The following MAMDC4 variants were observed in gnomAD, a reference collection of about 807,000 sequenced individuals.
The protein encoded by MAMDC4 is apical endosomal glycoprotein.
A neutral mutation model predicts 153.3 loss-of-function variants in MAMDC4; 168 were observed. The observed-to-expected ratio is 1.10, with a 90% CI of 0.97 to 1.25. The LOEUF is 1.25. Ranked by LOEUF, MAMDC4 falls within the 50% of genes most tolerant of loss-of-function variation. The probability of loss-of-function intolerance (pLI) is 0.00; values close to 1 mark genes in which losing one functional copy is unlikely to be tolerated. For synonymous variants in MAMDC4, 744 were observed against 651.5 expected (o/e 1.14, Z -2.16); for missense variants, 1,701 against 1,542.8 (o/e 1.10, Z -1.72).
At position 136,855,754 on chromosome 9, in the gene MAMDC4, C is replaced by G. The variant is rs748764632; in HGVS notation, c.1494C>G (p.Pro498=). Residue 498 remains proline, a synonymous_variant, in exon 13 of 27, where the codon CCC becomes CCG. Transcript: ENST00000317446. ...CAGGCACCACAGACTTTGAGTCCCCCGAGGCTGGGGGCTGGGAGGACGCCA... is the reference window on the plus strand; with the variant it reads ...CAGGCACCACAGACTTTGAGTCCCCGGAGGCTGGGGGCTGGGAGGACGCCA... ...QACGTTDFES[P]EAGGWEDASV... The G allele has an allele frequency of 6.4e-7, 1 of 1,571,438 alleles. No homozygotes were observed.
Position 136,855,063 on chromosome 9 carries a change from G to A in MAMDC4, c.1150G>A (p.Ala384Thr), listed in dbSNP as rs1204011624. The change falls in exon 10 of 27, where the codon GCC (alanine) becomes ACC (threonine). Residue 384 changes from alanine (A) to threonine (T), a missense_variant. Physicochemically the swap from Ala to Thr is moderately conservative, Grantham distance 58. Transcript: ENST00000317446. ...GAGGCGCCGAGGGGAGCTGGGGACC[G>A]CCTGGGTCCGAGACCGTGTTGACAT... Reference protein sequence around the residue: ...LRRRRGELGTAWVRDRVDIQS... With the variant: ...LRRRRGELGTTWVRDRVDIQS... The A allele has an allele frequency of 2.2e-5, 35 of 1,601,714 alleles. No individual in the cohort carries two copies. The highest frequency in any genetic ancestry group is 4.0e-5 in the African/African-American group (3 of 74,564).
In MAMDC4 at chr9:136,853,119, G is replaced by A. The variant is rs147821303; in HGVS notation, c.64G>A (p.Ala22Thr). Residue 22 changes from alanine (A) to threonine (T), a missense_variant, in exon 2 of 27, where the codon GCC (alanine) becomes ACC (threonine). By Grantham distance (58) the Ala-to-Thr change is moderately conservative. Transcript: ENST00000317446. ...CCCAGCAGCAGGGTCCTCAGGCTGG[G>A]CCTGGGTCCCCAACCACTGCAGGAG... ...VLFLAGSSGWAWVPNHCRSPG... is the reference protein window; with the variant it reads ...VLFLAGSSGWTWVPNHCRSPG... 2.5e-6 allele frequency: 4 copies of A among 1,612,616 alleles called. No individual in the cohort carries two copies. Among genetic ancestry groups the A allele is most frequent in the East Asian group, 2.2e-5 (1 of 44,890 alleles).
rs146784219 is a variant in MAMDC4, at chr9:136,857,586, G to A, written c.2326G>A (p.Gly776Arg). 5 of 1,612,468 alleles carry A rather than the reference G, an allele frequency of 3.1e-6. No individual in the cohort carries two copies. Among genetic ancestry groups the A allele is most frequent in the African/African-American group, 1.3e-5 (1 of 74,930 alleles). ...AGACCATACCACTGAGACAGCCCAA[G>A]GTATGGGGGCCTGGCAGGGGCAGGG... ...PTDHTTETAQ[G>R]HYMVVDTSPD... The change falls in exon 18 of 27, where the codon GGG becomes AGG. Residue 776 changes from glycine to arginine, a missense_variant and splice_region_variant. By Grantham distance (125) the Gly-to-Arg change is moderately radical. Transcript: ENST00000317446.
At chr9:136,856,364 C>G (rs772422012) in intron 14 of MAMDC4, 3 of 902,404 alleles carry the variant, frequency 3.3e-6, no homozygotes, top group Non-Finnish European at 5.6e-6. Context: ...TCTAGGGGCC[C>G]GCCGCCGGCC....
At position 136,854,784 on chromosome 9, in the gene MAMDC4, C is replaced by G. The variant is rs749388123; in HGVS notation, c.957C>G (p.Ala319=). 1 of 1,612,794 alleles carries G rather than the reference C, an allele frequency of 6.2e-7. No individual in the cohort carries two copies. The highest frequency in any genetic ancestry group is 1.3e-5 in the African/African-American group (1 of 75,036). ...SAQGSFLVSV[A]EPGTPAILSS... ...CAGGCTCCTTCCTGGTCTCCGTGGCCGAGCCTGGCACCCCTGCTATACTCT... is the reference window on the plus strand; with the variant it reads ...CAGGCTCCTTCCTGGTCTCCGTGGCGGAGCCTGGCACCCCTGCTATACTCT... The change falls in exon 9 of 27, where the codon GCC becomes GCG. Residue 319 remains alanine, a synonymous_variant. Transcript: ENST00000317446.
chr9:136,860,096 C>T (rs1328303485), intron 26 of MAMDC4, 32 bp downstream of exon 26: 2 of 1,519,280 alleles, frequency 1.3e-6, no homozygotes, highest in Admixed American at 2.1e-5. Context: ...TGGGCAGGAG[C>T]CTCTGTGCTC....
chr9:136,855,523 CAG>C lies in MAMDC4; in HGVS notation c.1376_1377del (p.Gln459ArgfsTer17). On this transcript the variant is annotated frameshift_variant, in exon 12 of 27. Coordinates refer to ENST00000317446, the MANE Select transcript of MAMDC4 (RefSeq NM_206920.3). LOFTEE classifies it high-confidence loss of function. ...PSSRLQDSCK[Q>X]GHLACGDLCV... ...CTCGCGGCTCCAGGATTCCTGCAAG[CAG>C]GGGCATCTTGCCTGCGGGGACCTGT... is the stretch of plus-strand genomic sequence containing the variant. 5 of 1,593,814 alleles carry C rather than the reference CAG, an allele frequency of 3.1e-6. No homozygotes were observed. The highest frequency in any genetic ancestry group is 4.3e-6 in the Non-Finnish European group (5 of 1,170,536).
At chr9:136,856,211 G>C in intron 14 of MAMDC4, 62 bp downstream of exon 14, 1 of 1,611,584 alleles carries the variant, frequency 6.2e-7, no homozygotes, top group African/African-American at 1.3e-5. Flanking sequence ...CAGTGGGAGG[G>C]GTCTGGGGCC....
At chr9:136,858,581 C>G in intron 22 of MAMDC4, 35 bp downstream of exon 22, 1 of 1,565,008 alleles carries the variant, frequency 6.4e-7, no homozygotes, top group Non-Finnish European at 8.7e-7. Flanking sequence ...GGGAGGCACA[C>G]ACAGCCACCT....
At chr9:136,855,698 G>A (rs112366165) in intron 12 of MAMDC4, 34 bp from the exon 13 acceptor site, 1 of 1,571,718 alleles carries the variant, frequency 6.4e-7, no homozygotes, top group South Asian at 1.2e-5. Flanking sequence ...AGGACTCTGA[G>A]GACTCTGCCA....
chr9:136,857,824 T>A (rs772212637), intron 19 of MAMDC4, 28 bp downstream of exon 19: 23 of 1,607,226 alleles, frequency 1.4e-5, no homozygotes, highest in Non-Finnish European at 2.0e-5. Context: ...GGGGCCCCAG[T>A]GGGCTCAGGG....
In MAMDC4 at chr9:136,855,606, C is replaced by T. The variant is rs372432967; in HGVS notation, c.1458C>T (p.Asp486=). The T allele has an allele frequency of 3.2e-5, 51 of 1,581,128 alleles. No individual in the cohort carries two copies. The highest frequency in any genetic ancestry group is 1.3e-4 in the Admixed American group (7 of 55,622). Residue 486 remains aspartate (D), a synonymous_variant, in exon 12 of 27, where the codon GAC becomes GAT. Coordinates refer to ENST00000317446, the MANE Select transcript of MAMDC4 (RefSeq NM_206920.3). ...DFEEQCAGGE[D]EQACGTTDFE... ...AGGAGCAGTGCGCAGGGGGCGAGGA[C>T]GAGCAGGCCTGTGGTAAAGGGGCTC... is the stretch of plus-strand genomic sequence containing the variant.
chr9:136,857,847 G>C, intron 19 of MAMDC4, 51 bp downstream of exon 19: 2 of 1,587,092 alleles, frequency 1.3e-6, no homozygotes, highest in Non-Finnish European at 1.7e-6. Context: ...GCTTGGCCTG[G>C]TGTCCCCACC....
chr9:136,860,073 C>T lies in MAMDC4; in HGVS notation c.3372+9C>T. On this transcript the variant is annotated intron_variant, in intron 26 of 26. Transcript: ENST00000317446. ...ACATCCTTTTCAATGCGGTAGGAGCCCCTGGGGATGGGTGGGCAGGAGCCT... is the reference window on the plus strand; with the variant it reads ...ACATCCTTTTCAATGCGGTAGGAGCTCCTGGGGATGGGTGGGCAGGAGCCT... 6.5e-7 allele frequency: 1 copy of T among 1,549,514 alleles called. No individual in the cohort carries two copies. Among genetic ancestry groups the T allele is most frequent in the South Asian group, 1.2e-5 (1 of 82,900 alleles).
chr9:136,858,532 TG>T lies in MAMDC4; in HGVS notation c.2810del (p.Gly937AlafsTer54). 1 of 1,586,442 alleles carries T rather than the reference TG, an allele frequency of 6.3e-7. No individual in the cohort carries two copies. On this transcript the variant is annotated frameshift_variant, in exon 22 of 27. Coordinates refer to ENST00000317446, the MANE Select transcript of MAMDC4 (RefSeq NM_206920.3). LOFTEE classifies it high-confidence loss of function. ...CCCCAGCCCCCTGTGGACCACACCC[TG>T]GGCACAGAGGCAGGTACGTGCCCAC... ...RYPQPPVDHT[L>X]GTEAGHFAFF...
At chr9:136,858,304 T>C in intron 21 of MAMDC4, 28 bp downstream of exon 21, 1 of 1,600,648 alleles carries the variant, frequency 6.2e-7, no homozygotes, top group South Asian at 1.1e-5. Context: ...GCCTCGGCCC[T>C]GCTCTGGGGT....
intron 3 of MAMDC4, 43 bp from the exon 4 acceptor site, chr9:136,853,502 T>A: frequency 6.2e-7 from 1 of 1,612,088 alleles, no homozygotes; most frequent in Non-Finnish European, 8.5e-7. Context: ...CCCAATACCC[T>A]CCTTGCTCCC....
intron 22 of MAMDC4, 46 bp downstream of exon 22, chr9:136,858,592 G>T (rs974387092): frequency 1.5e-5 from 23 of 1,569,996 alleles, no homozygotes; most frequent in East Asian, 2.3e-5. Flanking sequence ...ACAGCCACCT[G>T]GCCTCCTGCT....
In MAMDC4 at chr9:136,859,949, T is replaced by C; in HGVS notation, c.3257T>C (p.Leu1086Pro). ...GGCAGTGCCCTCCTATTGCTCATGC[T>C]CCTGGTGCTGCTGGGACTTGGGGGA... ...VVGSALLLLMLLVLLGLGGRR... is the reference protein window; with the variant it reads ...VVGSALLLLMPLVLLGLGGRR... Residue 1086 changes from leucine (L) to proline (P), a missense_variant, in exon 26 of 27, where the codon CTC becomes CCC. Leu to Pro is a moderately conservative substitution (Grantham distance 98). Transcript: ENST00000317446. 6.2e-7 allele frequency: 1 copy of C among 1,613,006 alleles called. No individual in the cohort carries two copies. The highest frequency in any genetic ancestry group is 8.5e-7 in the Non-Finnish European group (1 of 1,179,914).
Sources: allele counts gnomAD v4.1 joint callset, GRCh38; gene constraint gnomAD v4.1.1; transcripts MANE v1.5; gene names NCBI Gene and HGNC (gene_info 2026-07-23, HGNC 2026-07-21).